CORO1C: variants seen among roughly 807,000 people sequenced by gnomAD.
CORO1C encodes the protein coronin-1C.
A neutral mutation model predicts 51.2 loss-of-function variants in CORO1C; 14 were observed. The ratio of observed to expected loss-of-function variants is 0.27; its 90% CI spans 0.18 to 0.43. The LOEUF (loss-of-function observed/expected upper bound fraction) is 0.43. Ranked by LOEUF, CORO1C falls within the 20% of genes least tolerant of loss-of-function variation. The pLI, the probability that CORO1C is intolerant of heterozygous loss-of-function variation, is 1.00. For synonymous variants in CORO1C, 181 were observed against 210.5 expected (o/e 0.86, Z 1.21); for missense variants, 417 against 607.8 (o/e 0.69, Z 3.30).
chr12:108,662,234 T>A, intron 3 of CORO1C, 76 bp from the exon 4 acceptor site: 1 of 1,294,542 alleles, frequency 7.7e-7, no homozygotes, highest in Non-Finnish European at 1.1e-6. Flanking sequence ...GACCATCCAC[T>A]ATAAAGATTT....
Position 108,722,821 on chromosome 12 carries a change from G to A in CORO1C, c.-6+8608C>T, listed in dbSNP as rs566492899. On this transcript the variant is annotated intron_variant, in intron 1 of 10. Coordinates refer to ENST00000261401, the MANE Select transcript of CORO1C (RefSeq NM_014325.4). ...TAACCATCCTTTGAAGGTATGATAT[G>A]TTATTTGTTCTACTTGATAAAAGTA... Among the ~76,000 whole-genome samples the A allele has an allele frequency of 2.4e-4, 37 of 152,274 alleles. No homozygotes were observed. In the East Asian group the frequency reaches 6.7e-3, roughly 28 times the overall value.
At chr12:108,677,878 G>T (rs565448342) in intron 3 of CORO1C, among the ~76,000 whole-genome samples, 1 of 152,160 alleles carries the variant, frequency 6.6e-6, no homozygotes, top group South Asian at 2.1e-4. Flanking sequence ...AATTAGCCAG[G>T]TGTGGTAGCA....
intron 3 of CORO1C, among the ~76,000 whole-genome samples, chr12:108,667,431 A>G (rs1172306208): frequency 3.9e-5 from 6 of 152,220 alleles, no homozygotes; most frequent in Admixed American, 2.0e-4. Context: ...AACAGACACA[A>G]AACACCCAGA....
chr12:108,669,084 T>C (rs553769420), intron 3 of CORO1C, among the ~76,000 whole-genome samples: 5 of 152,346 alleles, frequency 3.3e-5, no homozygotes, highest in African/African-American at 1.2e-4. Context: ...ACTGTGTCAA[T>C]ATAATTTAAT....
intron 1 of CORO1C, among the ~76,000 whole-genome samples, chr12:108,706,186 C>CAAAAAAAAAAAAAAAA (rs368147183): frequency 8.4e-6 from 1 of 118,582 alleles, no homozygotes; most frequent in African/African-American, 3.0e-5. Flanking sequence ...GACTCTGAAT[C>CAAAAAAAAAAAAAAAA]AAAAAAAAAC....
At chr12:108,653,636 C>A (rs1402587859) in intron 7 of CORO1C, among the ~76,000 whole-genome samples, 6 of 152,200 alleles carry the variant, frequency 3.9e-5, no homozygotes, top group Non-Finnish European at 8.8e-5. Flanking sequence ...AAGCTACCCA[C>A]AGTCTAGGTA....
chr12:108,653,003 C>CT (rs1261476823), intron 7 of CORO1C: 2 of 152,810 alleles, frequency 1.3e-5, no homozygotes, highest in Non-Finnish European at 2.9e-5. Context: ...ATATGTTAGT[C>CT]TAAGTACAAA....
chr12:108,684,275 T>C lies in CORO1C; in HGVS notation c.196-5881A>G, dbSNP rs532155661. Among the ~76,000 whole-genome samples, 208 of 152,232 alleles carry C rather than the reference T, an allele frequency of 1.4e-3. 1 individual carries two copies. Among genetic ancestry groups the C allele is most frequent in the Middle Eastern group, 0.01 (3 of 294 alleles). On this transcript the variant is annotated intron_variant, in intron 2 of 10. Coordinates refer to ENST00000261401, the MANE Select transcript of CORO1C (RefSeq NM_014325.4). The stretch of plus-strand genomic sequence containing the variant: ...TTATACTCATCAAAACTGGTGAAAA[T>C]GTAAAAGTATAAATATAAGTGCTGA...
intron 1 of CORO1C, chr12:108,701,601 A>G: frequency 2.4e-6 from 1 of 422,572 alleles, no homozygotes. Flanking sequence ...AGATTAAGGG[A>G]AAGAATTAAA....
At chr12:108,694,911 A>T (rs1433538792) in intron 2 of CORO1C, among the ~76,000 whole-genome samples, 1 of 152,244 alleles carries the variant, frequency 6.6e-6, no homozygotes, top group Non-Finnish European at 1.5e-5. Flanking sequence ...CACGTAATAC[A>T]GTCTAAGAAT....
intron 10 of CORO1C, among the ~76,000 whole-genome samples, chr12:108,648,171 C>A (rs2032458806): frequency 6.6e-6 from 1 of 152,192 alleles, no homozygotes; most frequent in African/African-American, 2.4e-5. Context: ...TCAGCTACAT[C>A]TGAACACGTG....
At chr12:108,695,924 T>C (rs1016294092) in intron 2 of CORO1C, among the ~76,000 whole-genome samples, 11 of 145,340 alleles carry the variant, frequency 7.6e-5, no homozygotes, top group African/African-American at 2.8e-4. Flanking sequence ...CATAAAACCC[T>C]ACATGAAAAA....
chr12:108,648,282 T>G (rs1370680263), intron 10 of CORO1C, among the ~76,000 whole-genome samples: 1 of 152,106 alleles, frequency 6.6e-6, no homozygotes, highest in Non-Finnish European at 1.5e-5. Flanking sequence ...TTAACTAGTT[T>G]GGCAAAAGAC....
At chr12:108,679,803 T>C (rs908892924) in intron 2 of CORO1C, among the ~76,000 whole-genome samples, 1 of 152,240 alleles carries the variant, frequency 6.6e-6, no homozygotes, top group African/African-American at 2.4e-5. Context: ...CAGGTGACTT[T>C]AGACAAGTCA....
At chr12:108,720,925 G>A (rs2035460979) in intron 1 of CORO1C, among the ~76,000 whole-genome samples, 2 of 152,178 alleles carry the variant, frequency 1.3e-5, no homozygotes, top group Non-Finnish European at 2.9e-5. Context: ...ATCATGCAAA[G>A]TTGAAATTCA....
chr12:108,669,933 T>TA (rs2033649117), intron 3 of CORO1C, among the ~76,000 whole-genome samples: 1 of 152,160 alleles, frequency 6.6e-6, no homozygotes, highest in African/African-American at 2.4e-5. Flanking sequence ...GTTCTATACT[T>TA]AAAGATTTTT....
intron 2 of CORO1C, among the ~76,000 whole-genome samples, chr12:108,693,977 A>T (rs2034584131): frequency 6.6e-6 from 1 of 152,244 alleles, no homozygotes. Context: ...GGAGAGATCA[A>T]GCACAGTTGT....
chr12:108,671,857 G>A (rs1228110902), intron 3 of CORO1C, among the ~76,000 whole-genome samples: 1 of 152,116 alleles, frequency 6.6e-6, no homozygotes, highest in Admixed American at 6.6e-5. Flanking sequence ...TGATCTTCCA[G>A]GTCCAAGAGG....
In CORO1C at chr12:108,731,487, C is replaced by T. The variant is rs1046718817; in HGVS notation, c.-64G>A. On this transcript the variant is annotated 5_prime_UTR_variant, in exon 1 of 11. Transcript: ENST00000261401. The surrounding 1 kb of genome is among the most constrained non-coding windows in gnomAD (Gnocchi z 5.2). The stretch of plus-strand genomic sequence containing the variant: ...GTCCCCGCTGCAAAGCCGGGCGAAG[C>T]CTCCAACCGCTGCCGCCTCCAGCCT... 2 of 151,976 alleles carry T rather than the reference C, an allele frequency of 1.3e-5. No homozygotes were observed. The highest frequency in any genetic ancestry group is 6.6e-5 in the Admixed American group (1 of 15,246). The allele number at this position is 151,976 out of a possible 1,614,324, so 9.4% of individuals were successfully genotyped here. A position where few individuals can be genotyped will look rare whatever the true frequency, so the allele number is the denominator to read the frequency against.
Sources: gnomAD v4.1 joint callset for allele counts (sites outside exome capture counted in the v4.1 genomes callset) on GRCh38, gnomAD v4.1.1 for gene constraint, Gnocchi (gnomAD v3.1) non-coding constraint, MANE v1.5 for transcripts, NCBI Gene and HGNC (gene_info 2026-07-23, HGNC 2026-07-21) for gene names.